Variants in NAV3 observed in about 807,000 individuals in gnomAD.
The protein encoded by NAV3 is neuron navigator 3.
NAV3 carries 87 observed loss-of-function variants against 244.7 expected under a neutral mutation model. The ratio of observed to expected loss-of-function variants is 0.36; its 90% CI spans 0.30 to 0.42. The LOEUF is 0.42. NAV3 is among the 20% of genes least tolerant of loss of function. The probability of loss-of-function intolerance (pLI) is 1.00; values close to 1 mark genes in which losing one functional copy is unlikely to be tolerated. For missense variants in NAV3, 2,663 were observed against 2,893.3 expected, an observed-to-expected ratio of 0.92 and a Z score of 1.83; for synonymous variants, 1,126 against 1,042.2, an observed-to-expected ratio of 1.08 and a Z score of -1.55.
chr12:78,191,748 C>A (rs974529379), intron 34 of NAV3, among the ~76,000 whole-genome samples: 1 of 152,074 alleles, frequency 6.6e-6, no homozygotes, highest in Non-Finnish European at 1.5e-5. Context: ...CTCCTCATAT[C>A]TTTATATAAA....
At chr12:77,718,127 T>C (rs1876444991) in intron 2 of NAV3, among the ~76,000 whole-genome samples, 1 of 152,200 alleles carries the variant, frequency 6.6e-6, no homozygotes, top group Non-Finnish European at 1.5e-5. Context: ...ATGCTTTTTG[T>C]GTCATAATCC....
chr12:77,617,225 A>G (rs1320347915), intron 2 of NAV3, among the ~76,000 whole-genome samples: 1 of 152,158 alleles, frequency 6.6e-6, no homozygotes, highest in East Asian at 1.9e-4. Context: ...AGTTTTGATA[A>G]CTGTAGTAGC....
Position 78,084,369 on chromosome 12 carries a change from C to A in NAV3, c.2636+25254C>A, listed in dbSNP as rs528442272. On this transcript the variant is annotated intron_variant, in intron 12 of 39. Coordinates refer to ENST00000397909, the MANE Select transcript of NAV3 (RefSeq NM_001024383.2). ...CTCAGTTAAATATCCAAGGCTAAAC[C>A]CTCCAGTTAGGCACTGGATCCCATT... 9.2e-5 allele frequency among the ~76,000 whole-genome samples: 14 copies of A among 152,108 alleles called. No homozygotes were observed. The East Asian group carries it at 1.9e-3, about 21-fold the overall frequency.
At chr12:78,041,560 C>A (rs1037814550) in intron 9 of NAV3, among the ~76,000 whole-genome samples, 3 of 152,110 alleles carry the variant, frequency 2.0e-5, no homozygotes, top group Non-Finnish European at 4.4e-5. Flanking sequence ...TTGCTTATCC[C>A]CCATAAATAT....
intron 1 of NAV3, among the ~76,000 whole-genome samples, chr12:77,864,235 T>G (rs191604996): frequency 4.3e-4 from 65 of 152,048 alleles, no homozygotes; most frequent in African/African-American, 1.5e-3. Context: ...TCTGCCAACT[T>G]GTATTTTTCC....
At chr12:77,818,674 T>C (rs1445181246) in intron 2 of NAV3, among the ~76,000 whole-genome samples, 1 of 152,062 alleles carries the variant, frequency 6.6e-6, no homozygotes, top group Non-Finnish European at 1.5e-5. Context: ...GGTTAGTATC[T>C]GATGGTCTCC....
At chr12:78,062,952 A>G (rs1884518776) in intron 12 of NAV3, among the ~76,000 whole-genome samples, 1 of 152,178 alleles carries the variant, frequency 6.6e-6, no homozygotes, top group Non-Finnish European at 1.5e-5. Context: ...GTGTAAGTGC[A>G]AAAGCAGAGT....
intron 24 of NAV3, among the ~76,000 whole-genome samples, chr12:78,170,704 T>C (rs1957965505): frequency 6.6e-6 from 1 of 151,822 alleles, no homozygotes. Context: ...ATTTCAGCTA[T>C]CCTGAATTGT....
chr12:77,587,460 G>A (rs545372861), intron 2 of NAV3, among the ~76,000 whole-genome samples: 2 of 152,232 alleles, frequency 1.3e-5, no homozygotes, highest in East Asian at 1.9e-4. Context: ...CTTGCCAAAT[G>A]ATAAGATCCA....
Position 77,687,448 on chromosome 12 carries a change from A to C in NAV3, c.72+115182A>C, listed in dbSNP as rs140222826. ...ACTTGATTTTTCCTCCTCTGGGTCCATCCCAAACTCATTTCTGAGATTCCA... is the reference window on the plus strand; with the variant it reads ...ACTTGATTTTTCCTCCTCTGGGTCCCTCCCAAACTCATTTCTGAGATTCCA... On this transcript the variant is annotated intron_variant, in intron 2 of 8. Coordinates refer to the NAV3 transcript ENST00000550042. Among the ~76,000 whole-genome samples the C allele has an allele frequency of 8.4e-3, 1,281 of 152,254 alleles. 6 individuals carry two copies. The highest frequency in any genetic ancestry group is 0.017 in the Middle Eastern group (5 of 294).
intron 2 of NAV3, among the ~76,000 whole-genome samples, chr12:77,738,984 C>G (rs893683031): frequency 8.7e-6 from 1 of 115,222 alleles, no homozygotes; most frequent in East Asian, 3.1e-4. Flanking sequence ...TGCACTCCAG[C>G]ATGGGCGACA....
intron 2 of NAV3, among the ~76,000 whole-genome samples, chr12:77,629,173 A>C (rs560659205): frequency 5.8e-4 from 88 of 152,334 alleles, no homozygotes; most frequent in Non-Finnish European, 1.1e-3. Flanking sequence ...ATGAGAGTTG[A>C]TTTATTTTTA....
At chr12:77,719,764 T>C (rs933048495) in intron 2 of NAV3, among the ~76,000 whole-genome samples, 2 of 152,148 alleles carry the variant, frequency 1.3e-5, no homozygotes, top group African/African-American at 4.8e-5. Flanking sequence ...TCTTTTCTTG[T>C]AATGTCTTTG....
At chr12:78,145,424 A>G (rs1956826159) in intron 20 of NAV3, among the ~76,000 whole-genome samples, 1 of 152,356 alleles carries the variant, frequency 6.6e-6, no homozygotes, top group South Asian at 2.1e-4. Flanking sequence ...TTTTGTGTCA[A>G]TTAATCTAGA....
At chr12:77,653,563 G>C in intron 2 of NAV3, among the ~76,000 whole-genome samples, 1 of 152,074 alleles carries the variant, frequency 6.6e-6, no homozygotes, top group Non-Finnish European at 1.5e-5. Context: ...TCGTGTGTTG[G>C]AAAAATTTTA....
At chr12:77,862,666 A>G (rs1333141951) in intron 1 of NAV3, among the ~76,000 whole-genome samples, 1 of 151,886 alleles carries the variant, frequency 6.6e-6, no homozygotes, top group South Asian at 2.1e-4. Context: ...AGGGAGCATC[A>G]TTGTTCTCTT....
chr12:78,088,583 T>G (rs1464451482), intron 12 of NAV3, among the ~76,000 whole-genome samples: 1 of 152,162 alleles, frequency 6.6e-6, no homozygotes, highest in Non-Finnish European at 1.5e-5. Flanking sequence ...TCTACTTGTT[T>G]CTTCTCTCTT....
chr12:77,837,884 GA>G (rs944945017), intron 1 of NAV3, among the ~76,000 whole-genome samples: 2 of 152,148 alleles, frequency 1.3e-5, no homozygotes, highest in African/African-American at 4.8e-5. Flanking sequence ...TAAATAAAAG[GA>G]ACCCCATGTT....
At chr12:77,710,230 A>G (rs775902048) in intron 2 of NAV3, among the ~76,000 whole-genome samples, 1 of 152,196 alleles carries the variant, frequency 6.6e-6, no homozygotes, top group Non-Finnish European at 1.5e-5. Flanking sequence ...ACTTAAAATT[A>G]TTTCAGAAAC....
Sources: allele counts gnomAD v4.1 joint callset (sites outside exome capture counted in the v4.1 genomes callset), GRCh38; gene constraint gnomAD v4.1.1; transcripts MANE v1.5; gene names NCBI Gene and HGNC (gene_info 2026-07-23, HGNC 2026-07-21).